Variants in PDZD2 observed in about 807,000 individuals in gnomAD.
The protein encoded by PDZD2 is PDZ domain containing 2.
PDZD2 carries 90 observed loss-of-function variants against 220.7 expected under a neutral mutation model. That is an observed-to-expected ratio of 0.41 (90% CI 0.34 to 0.49). The LOEUF (loss-of-function observed/expected upper bound fraction) is 0.49. Ranked by LOEUF, PDZD2 falls within the 20% of genes least tolerant of loss-of-function variation. The pLI, the probability that PDZD2 is intolerant of heterozygous loss-of-function variation, is 0.28. For missense variants in PDZD2, 3,174 were observed against 3,608.5 expected (o/e 0.88, Z 3.08); for synonymous variants, 1,375 against 1,450.5 (o/e 0.95, Z 1.18).
chr5:31,691,527 C>CTGGCGCCACCTGCTTTTATTCTCTTATG (rs1554063538), intron 1 of PDZD2, among the ~76,000 whole-genome samples: 2,421 of 105,822 alleles, frequency 0.023, 37 homozygotes, highest in East Asian at 0.039. Flanking sequence ...ATTCTCTTAT[C>CTGGCGCCACCTGCTTTTATTCTCTTATG]TGGCGCCACC....
chr5:32,040,675 C>G (rs1008459657), intron 7 of PDZD2, among the ~76,000 whole-genome samples: 4 of 143,796 alleles, frequency 2.8e-5, no homozygotes, highest in African/African-American at 1.0e-4. Flanking sequence ...GCCACCCCAT[C>G]TGGGAAGTGG....
chr5:31,865,419 C>A (rs1241787088), intron 2 of PDZD2, among the ~76,000 whole-genome samples: 2 of 151,398 alleles, frequency 1.3e-5, no homozygotes, highest in African/African-American at 4.9e-5. Flanking sequence ...CCCAAGTGAT[C>A]CTGCCACCTG....
At chr5:31,773,445 C>T (rs1695863658) in intron 1 of PDZD2, among the ~76,000 whole-genome samples, 1 of 150,744 alleles carries the variant, frequency 6.6e-6, no homozygotes, top group Non-Finnish European at 1.5e-5. Flanking sequence ...CCGAGACCAG[C>T]CTGGCCAACA....
intron 2 of PDZD2, chr5:31,908,467 A>C: frequency 2.3e-6 from 2 of 865,800 alleles, no homozygotes; most frequent in South Asian, 1.7e-5. Context: ...GGTCTGTAGG[A>C]GAGAGGGTAA....
At chr5:32,025,423 G>C (rs1754559628) in intron 6 of PDZD2, among the ~76,000 whole-genome samples, 2 of 151,834 alleles carry the variant, frequency 1.3e-5, no homozygotes, top group African/African-American at 4.8e-5. Flanking sequence ...TACATGGGAG[G>C]CTGAGGCAGG....
intron 2 of PDZD2, among the ~76,000 whole-genome samples, chr5:31,948,189 G>A (rs1746821733): frequency 6.6e-6 from 1 of 152,118 alleles, no homozygotes; most frequent in African/African-American, 2.4e-5. Context: ...CACACCCTCT[G>A]CCCTTTTTGT....
chr5:31,918,734 A>G (rs564730856), intron 2 of PDZD2, among the ~76,000 whole-genome samples: 7 of 152,300 alleles, frequency 4.6e-5, no homozygotes, highest in East Asian at 3.9e-4. Context: ...AGGGAAGTGC[A>G]GTTCCCTCCT....
At chr5:32,040,395 G>C (rs1755972910) in intron 7 of PDZD2, among the ~76,000 whole-genome samples, 1 of 146,658 alleles carries the variant, frequency 6.8e-6, no homozygotes, top group Non-Finnish European at 1.5e-5. Context: ...CGTCTGCCCG[G>C]CCGCCACCCT....
At chr5:31,907,303 G>A (rs1742743858) in intron 2 of PDZD2, among the ~76,000 whole-genome samples, 1 of 152,206 alleles carries the variant, frequency 6.6e-6, no homozygotes, top group Non-Finnish European at 1.5e-5. Context: ...TTCTCACTGT[G>A]TCTTCACATG....
At chr5:31,957,232 A>G (rs1412574501) in intron 2 of PDZD2, among the ~76,000 whole-genome samples, 1 of 152,156 alleles carries the variant, frequency 6.6e-6, no homozygotes, top group Non-Finnish European at 1.5e-5. Context: ...TAATCTCTGC[A>G]GTGTGTTTAG....
rs3222598 is a variant in PDZD2 at position 31,730,592 on chromosome 5, G to GTGT, written c.-360-68297_-360-68296insTGT. On this transcript the variant is annotated intron_variant, in intron 1 of 24. Transcript: ENST00000438447. ...TGTGTGTGTGTGTGTGTGTGTGTGTGGTGTGTGTGTGTGTGTGTAAGGGAG... is the reference window on the plus strand; with the variant it reads ...TGTGTGTGTGTGTGTGTGTGTGTGTGTGTGTGTGTGTGTGTGTGTGTAAGGGAG... Among the ~76,000 whole-genome samples, 294 of 121,238 alleles carry GTGT rather than the reference G, an allele frequency of 2.4e-3. 3 individuals are homozygous for GTGT. Among genetic ancestry groups the GTGT allele is most frequent in the African/African-American group, 8.6e-3 (278 of 32,224 alleles). 79.5% of individuals were successfully genotyped at this position (121,238 alleles called of 152,430 possible).
intron 2 of PDZD2, among the ~76,000 whole-genome samples, chr5:31,887,701 C>G (rs546557599): frequency 1.1e-3 from 166 of 152,106 alleles, no homozygotes; most frequent in Non-Finnish European, 1.8e-3. Context: ...GTACAGAGAA[C>G]TGCCAGTTAG....
intron 1 of PDZD2, among the ~76,000 whole-genome samples, chr5:31,675,336 A>T (rs1484653844): frequency 6.6e-6 from 1 of 152,132 alleles, no homozygotes; most frequent in East Asian, 1.9e-4. Context: ...TCTGGATCTT[A>T]CAGTAGGAAG....
At chr5:31,901,170 C>A (rs905712265) in intron 2 of PDZD2, among the ~76,000 whole-genome samples, 21 of 152,116 alleles carry the variant, frequency 1.4e-4, no homozygotes, top group Non-Finnish European at 2.5e-4. Flanking sequence ...GTAATCCCAG[C>A]ACTTTGGGAG....
intron 2 of PDZD2, among the ~76,000 whole-genome samples, chr5:31,902,493 T>C (rs1489780174): frequency 6.6e-6 from 1 of 151,366 alleles, no homozygotes; most frequent in Non-Finnish European, 1.5e-5. Context: ...TTTTCTTTTT[T>C]TTTTTTTCAG....
intron 1 of PDZD2, among the ~76,000 whole-genome samples, chr5:31,770,921 C>T (rs1260327833): frequency 6.6e-6 from 1 of 151,798 alleles, no homozygotes; most frequent in Non-Finnish European, 1.5e-5. Flanking sequence ...AAGTGCCCCT[C>T]AGGTTTTGCA....
chr5:31,841,469 T>C (rs1757298073), intron 2 of PDZD2, among the ~76,000 whole-genome samples: 1 of 152,108 alleles, frequency 6.6e-6, no homozygotes, highest in Admixed American at 6.5e-5. Flanking sequence ...GATCAAGAGA[T>C]CGAGACCATC....
intron 2 of PDZD2, among the ~76,000 whole-genome samples, chr5:31,817,643 A>G (rs2150250512): frequency 6.6e-6 from 1 of 151,592 alleles, no homozygotes; most frequent in African/African-American, 2.4e-5. Flanking sequence ...TTCAGGTTAA[A>G]TATATTTATC....
At chr5:31,873,337 G>C (rs1369004145) in intron 2 of PDZD2, among the ~76,000 whole-genome samples, 1 of 151,836 alleles carries the variant, frequency 6.6e-6, no homozygotes, top group African/African-American at 2.4e-5. Context: ...AGGAGGCTGA[G>C]GTAGGAGGAT....
Sources: gnomAD v4.1 joint callset for allele counts (sites outside exome capture counted in the v4.1 genomes callset) on GRCh38, gnomAD v4.1.1 for gene constraint, MANE v1.5 for transcripts, NCBI Gene and HGNC (gene_info 2026-07-23, HGNC 2026-07-21) for gene names.